Variants in NSD2 observed in about 807,000 individuals in gnomAD.
NSD2 encodes nuclear receptor binding SET domain protein 2.
Under a neutral mutation model 139.0 loss-of-function variants are expected in NSD2, and 12 were observed. The ratio of observed to expected loss-of-function variants is 0.09; its 90% CI spans 0.06 to 0.14. The LOEUF (loss-of-function observed/expected upper bound fraction) is 0.14, where lower values mean the gene tolerates loss of function less well. Among genes scored for constraint, NSD2 ranks in the 10% least tolerant of loss-of-function variants. The pLI is 1.00. For missense variants in NSD2, 1,155 were observed against 1,745.0 expected, an observed-to-expected ratio of 0.66 and a Z score of 6.02; for synonymous variants, 669 against 648.7, an observed-to-expected ratio of 1.03 and a Z score of -0.48.
rs1435291493 is a variant in NSD2, at chr4:1,978,953, G to C, written c.*44G>C. 1 of 1,448,056 alleles carries C rather than the reference G, an allele frequency of 6.9e-7. No individual in the cohort carries two copies. The highest frequency in any genetic ancestry group is 2.5e-5 in the East Asian group (1 of 39,722). The allele number at this position is 1,448,056 out of a possible 1,614,324, so 89.7% of individuals were successfully genotyped here. On this transcript the variant is annotated 3_prime_UTR_variant, in exon 22 of 22. Transcript: ENST00000508803. ...CCGGATCCAGGGGCGGTGCAGGGCGGCCGGCCCTGCCTGCGGGAGAGGGCG... is the reference window on the plus strand; with the variant it reads ...CCGGATCCAGGGGCGGTGCAGGGCGCCCGGCCCTGCCTGCGGGAGAGGGCG...
intron 6 of NSD2, among the ~76,000 whole-genome samples, chr4:1,931,832 T>C (rs1023437867): frequency 6.6e-6 from 1 of 152,110 alleles, no homozygotes; most frequent in African/African-American, 2.4e-5. Context: ...AAAGAAAATA[T>C]ACCTCACTCT....
In NSD2 at chr4:1,935,182, A is replaced by G. The variant is rs1330243688; in HGVS notation, c.1594A>G (p.Ile532Val). ...NGKKRNHTKR[I>V]QDPTEDAEAE... Reference sequence around the variant, plus strand: ...GAAAAAAAGAAACCACACAAAGAGGATACAGGACCCTACAGAAGATGCTGA... The same window carrying G: ...GAAAAAAAGAAACCACACAAAGAGGGTACAGGACCCTACAGAAGATGCTGA... Residue 532 changes from isoleucine (I) to valine (V), a missense_variant, in exon 7 of 22, where the codon ATA (isoleucine) becomes GTA (valine). This residue lies in a region of NSD2 where 420 missense variants were observed against 469.0 expected (regional missense o/e 0.90). Transcript: ENST00000508803. The G allele has an allele frequency of 6.2e-7, 1 of 1,613,640 alleles. No homozygotes were observed. Among genetic ancestry groups the G allele is most frequent in the Non-Finnish European group, 8.5e-7 (1 of 1,179,778 alleles).
intron 5 of NSD2, among the ~76,000 whole-genome samples, chr4:1,921,452 C>T (rs561987743): frequency 3.8e-4 from 57 of 151,062 alleles, no homozygotes; most frequent in African/African-American, 8.8e-4. Context: ...AGCGAGACTC[C>T]GTCTCAAATT....
chr4:1,975,899 C>G (rs79109878), intron 20 of NSD2, among the ~76,000 whole-genome samples: 1,659 of 152,328 alleles, frequency 0.011, 22 homozygotes, highest in African/African-American at 0.038. Flanking sequence ...GACCCTATTT[C>G]CAAATACAGT....
chr4:1,927,753 G>T (rs780182462), intron 5 of NSD2, among the ~76,000 whole-genome samples: 1 of 140,434 alleles, frequency 7.1e-6, no homozygotes, highest in Non-Finnish European at 1.5e-5. Context: ...AAAAAAAGCC[G>T]TGTAGGGAGC....
At chr4:1,910,641 G>A (rs1454075039) in intron 3 of NSD2, among the ~76,000 whole-genome samples, 2 of 152,094 alleles carry the variant, frequency 1.3e-5, no homozygotes, top group Non-Finnish European at 2.9e-5. Context: ...AAATGCTTCT[G>A]GCATTTTCTA....
chr4:1,971,727 C>A (rs1208487095), intron 18 of NSD2, among the ~76,000 whole-genome samples: 1 of 152,118 alleles, frequency 6.6e-6, no homozygotes, highest in African/African-American at 2.4e-5. Context: ...GCATGGAGAG[C>A]AGTTCCTTGT....
At chr4:1,908,754 G>C (rs1321545981) in intron 3 of NSD2, among the ~76,000 whole-genome samples, 1 of 152,116 alleles carries the variant, frequency 6.6e-6, no homozygotes, top group African/African-American at 2.4e-5. Flanking sequence ...TGTGCTTGTA[G>C]TCTGTCCCAA....
chr4:1,933,042 G>A (rs1352406253), intron 6 of NSD2, among the ~76,000 whole-genome samples: 2 of 152,192 alleles, frequency 1.3e-5, no homozygotes, highest in Non-Finnish European at 2.9e-5. Flanking sequence ...AGCATTCCAC[G>A]GGCTTCTTCC....
intron 9 of NSD2, chr4:1,947,164 C>T: frequency 9.4e-7 from 1 of 1,064,786 alleles, no homozygotes; most frequent in Non-Finnish European, 1.1e-6. Context: ...AGACCAGGCT[C>T]CTCCCCAGCA....
chr4:1,939,635 A>C lies in NSD2; in HGVS notation c.1757-19A>C, dbSNP rs778442161. The C allele has an allele frequency of 9.6e-5, 155 of 1,613,434 alleles. No homozygotes were observed. The highest frequency in any genetic ancestry group is 1.2e-4 in the Non-Finnish European group (143 of 1,179,468). On this transcript the variant is annotated intron_variant, in intron 8 of 21. Coordinates refer to ENST00000508803, the MANE Select transcript of NSD2 (RefSeq NM_001042424.3). ...AGGGTTTATGATTTGAAACTTTACAAACCAAAATTATTTTACAGCAACGAA... is the reference window on the plus strand; with the variant it reads ...AGGGTTTATGATTTGAAACTTTACACACCAAAATTATTTTACAGCAACGAA...
intron 18 of NSD2, among the ~76,000 whole-genome samples, chr4:1,964,965 CAA>C (rs776465441): frequency 2.2e-5 from 3 of 135,798 alleles, no homozygotes; most frequent in Non-Finnish European, 4.6e-5. Flanking sequence ...ATAAAAATAA[CAA>C]AAACAGCAAA....
intron 1 of NSD2, among the ~76,000 whole-genome samples, chr4:1,872,595 A>T (rs936967723): frequency 0.012 from 901 of 77,050 alleles, no homozygotes; most frequent in African/African-American, 0.023. Flanking sequence ...TGTGTGTGAG[A>T]GAGAGAGAGA....
At chr4:1,905,650 G>C (rs147254888) in intron 3 of NSD2, among the ~76,000 whole-genome samples, 35 of 152,378 alleles carry the variant, frequency 2.3e-4, no homozygotes, top group African/African-American at 7.9e-4. Flanking sequence ...TGTTAGAGGG[G>C]CAGGCTGAGG....
Position 1,942,610 on chromosome 4 carries a change from AT to A in NSD2, c.1881+2833del. ...CCATTTAATCCGTCACATTCATCTC[AT>A]AATAGAAACACGTTCATATTCCAGT... On this transcript the variant is annotated intron_variant, in intron 9 of 21. Coordinates refer to ENST00000508803, the MANE Select transcript of NSD2 (RefSeq NM_001042424.3). This position sits in a 1 kb window ranked among gnomAD's most constrained non-coding sequence, Gnocchi z 4.0. 7.8e-7 allele frequency: 1 copy of A among 1,278,604 alleles called. No individual in the cohort carries two copies. Among genetic ancestry groups the A allele is most frequent in the Non-Finnish European group, 9.9e-7 (1 of 1,008,460 alleles). 79.2% of individuals were successfully genotyped at this position (1,278,604 alleles called of 1,614,324 possible). A position where few individuals can be genotyped will look rare whatever the true frequency, so the allele number is the denominator to read the frequency against.
intron 5 of NSD2, among the ~76,000 whole-genome samples, chr4:1,920,157 C>T (rs970454709): frequency 3.9e-5 from 6 of 152,010 alleles, no homozygotes; most frequent in African/African-American, 1.2e-4. Context: ...TTGAGTGATG[C>T]CTTCAAGAGT....
chr4:1,896,981 G>A (rs1026871876), intron 1 of NSD2, among the ~76,000 whole-genome samples: 3 of 151,840 alleles, frequency 2.0e-5, no homozygotes, highest in Admixed American at 1.3e-4. Context: ...GACCAGCCTC[G>A]GCAACATGGT....
At chr4:1,939,544 A>G in intron 8 of NSD2, 110 bp from the exon 9 acceptor site, 1 of 1,114,786 alleles carries the variant, frequency 9.0e-7, no homozygotes, top group Non-Finnish European at 1.3e-6. Flanking sequence ...GGACAAAGGA[A>G]TTCAGAAGAT....
At chr4:1,883,493 G>A (rs1379865341) in intron 1 of NSD2, among the ~76,000 whole-genome samples, 4 of 152,092 alleles carry the variant, frequency 2.6e-5, no homozygotes, top group African/African-American at 4.8e-5. Flanking sequence ...ATAGCTGGGC[G>A]TGGTGGCGCA....
Sources: gnomAD v4.1 joint callset for allele counts (sites outside exome capture counted in the v4.1 genomes callset) on GRCh38, gnomAD v4.1.1 for gene constraint, gnomAD v4.1.1 regional missense constraint, Gnocchi (gnomAD v3.1) non-coding constraint, MANE v1.5 for transcripts, NCBI Gene and HGNC (gene_info 2026-07-23, HGNC 2026-07-21) for gene names.